The following ABCC1 variants were observed in gnomAD, a reference collection of about 807,000 sequenced individuals.
ABCC1 encodes ATP binding cassette subfamily C member 1 (ABCC1 blood group), also known as multidrug resistance-associated protein 1.
Under a neutral mutation model 172.9 loss-of-function variants are expected in ABCC1, and 83 were observed. The observed-to-expected ratio is 0.48, with a 90% CI of 0.40 to 0.58. The LOEUF is 0.58. Ranked by LOEUF, ABCC1 falls within the 20% of genes least tolerant of loss-of-function variation. The pLI is 0.00. For synonymous variants in ABCC1, 937 were observed against 825.2 expected, an observed-to-expected ratio of 1.14 and a Z score of -2.32; for missense variants, 1,817 against 2,002.7, an observed-to-expected ratio of 0.91 and a Z score of 1.77.
At chr16:16,084,583 C>CTT (rs1360594657) in intron 17 of ABCC1, among the ~76,000 whole-genome samples, 1 of 141,092 alleles carries the variant, frequency 7.1e-6, no homozygotes, top group African/African-American at 2.7e-5. Context: ...AGGTTGGTGT[C>CTT]TAACTCCTGA....
At chr16:15,972,699 TG>T (rs1247287130) in intron 1 of ABCC1, among the ~76,000 whole-genome samples, 1 of 152,024 alleles carries the variant, frequency 6.6e-6, no homozygotes, top group Admixed American at 6.6e-5. Flanking sequence ...AATGAGCATT[TG>T]GTTTTATGCT....
At chr16:16,072,520 G>T (rs2050390891) in intron 14 of ABCC1, among the ~76,000 whole-genome samples, 1 of 145,530 alleles carries the variant, frequency 6.9e-6, no homozygotes, top group Non-Finnish European at 1.5e-5. Context: ...GTTTTATTTG[G>T]AGAGACAAGG....
chr16:15,992,495 G>C (rs1394277695), intron 1 of ABCC1, among the ~76,000 whole-genome samples: 1 of 152,044 alleles, frequency 6.6e-6, no homozygotes, highest in Non-Finnish European at 1.5e-5. Flanking sequence ...TGCCTCCCAG[G>C]TTCCAGCGAT....
At chr16:16,033,338 C>G (rs1317264514) in intron 6 of ABCC1, among the ~76,000 whole-genome samples, 168 bp downstream of exon 6, 1 of 152,194 alleles carries the variant, frequency 6.6e-6, no homozygotes, top group Non-Finnish European at 1.5e-5. Flanking sequence ...GAGACACCAA[C>G]TCTGTCCGGC....
rs1008136107 is a variant in ABCC1, at chr16:16,141,659, C to G, written c.*378C>G. The G allele has an allele frequency of 4.6e-6, 1 of 218,852 alleles. No homozygotes were observed. The highest frequency in any genetic ancestry group is 2.3e-5 in the African/African-American group (1 of 43,830). The allele number at this position is 218,852 out of a possible 1,614,324, so 13.6% of individuals were successfully genotyped here. A position where few individuals can be genotyped will look rare whatever the true frequency, so the allele number is the denominator to read the frequency against. On this transcript the variant is annotated 3_prime_UTR_variant, in exon 31 of 31. Coordinates refer to ENST00000399410, the MANE Select transcript of ABCC1 (RefSeq NM_004996.4). ...AGAAGATCCTAGTGACCAAATTCAG[C>G]CTACTGCCTCGGATCTCTCCAGCCG...
At chr16:15,970,618 AAG>A (rs1335525176) in intron 1 of ABCC1, among the ~76,000 whole-genome samples, 4 of 152,318 alleles carry the variant, frequency 2.6e-5, no homozygotes, top group African/African-American at 9.6e-5. Context: ...GGAAGAGAAA[AAG>A]AACCAGAAGG....
intron 24 of ABCC1, among the ~76,000 whole-genome samples, chr16:16,124,335 G>GTGTGTA (rs2045314930): frequency 4.5e-5 from 4 of 87,978 alleles, no homozygotes; most frequent in African/African-American, 1.3e-4. Context: ...GTGTGTGTGT[G>GTGTGTA]TGTGTGTGTG....
In ABCC1 at chr16:16,071,728, C is replaced by T. The variant is rs8187859; in HGVS notation, c.1911C>T (p.Asp637=). 2.7e-4 allele frequency: 442 copies of T among 1,612,914 alleles called. 4 individuals are homozygous for T. The African/African-American group carries it at 3.6e-3, about 13-fold the overall frequency. ...GCATCGAGCGACGGCCTGTCAAAGA[C>T]GGTGTGTGTGTGTTCAGTCCTGGCT... ...PDSIERRPVK[D]GGGTNSITVR... Residue 637 remains aspartate, a splice_region_variant and synonymous_variant, in exon 14 of 31, where the codon GAC becomes GAT. Transcript: ENST00000399410.
chr16:15,957,775 T>C (rs2046031018), intron 1 of ABCC1, among the ~76,000 whole-genome samples: 1 of 152,110 alleles, frequency 6.6e-6, no homozygotes, highest in South Asian at 2.1e-4. Flanking sequence ...GTGTTTTTGA[T>C]AGAAACGGGG....
At chr16:15,963,436 C>T (rs1339764305) in intron 1 of ABCC1, among the ~76,000 whole-genome samples, 1 of 152,238 alleles carries the variant, frequency 6.6e-6, no homozygotes, top group Non-Finnish European at 1.5e-5. Flanking sequence ...TGTGTGGGGG[C>T]TCTGACCCCA....
chr16:16,141,182 C>T lies in ABCC1; in HGVS notation c.4497C>T (p.Val1499=). Residue 1499 remains valine, a synonymous_variant, in exon 31 of 31, where the codon GTC becomes GTT. Coordinates refer to ENST00000399410, the MANE Select transcript of ABCC1 (RefSeq NM_004996.4). ...ATCCCCTCTCCCTCAGGGTGATCGT[C>T]TTGGACAAAGGAGAAATCCAGGAGT... is the stretch of plus-strand genomic sequence containing the variant. ...NTIMDYTRVI[V]LDKGEIQEYG... 1 of 1,613,938 alleles carries T rather than the reference C, an allele frequency of 6.2e-7. No individual in the cohort carries two copies. The highest frequency in any genetic ancestry group is 8.5e-7 in the Non-Finnish European group (1 of 1,179,900).
intron 1 of ABCC1, among the ~76,000 whole-genome samples, chr16:15,958,815 G>A (rs1444702006): frequency 2.0e-5 from 3 of 152,106 alleles, no homozygotes; most frequent in Non-Finnish European, 2.9e-5. Flanking sequence ...TGTATTTTGC[G>A]GGTGGGGACA....
At chr16:16,111,329 T>A (rs1449117995) in intron 21 of ABCC1, 46 bp from the exon 22 acceptor site, 1 of 1,560,062 alleles carries the variant, frequency 6.4e-7, no homozygotes, top group Non-Finnish European at 8.8e-7. Flanking sequence ...GGGCTGGGGC[T>A]GGGTGCGTGC....
At chr16:15,999,792 TCTCTCTCTCTCTCTCTC>T (rs1458859465) in intron 1 of ABCC1, among the ~76,000 whole-genome samples, 1 of 30,516 alleles carries the variant, frequency 3.3e-5, no homozygotes. Flanking sequence ...TCTCTCTCTC[TCTCTCTCTCTCTCTCTC>T]CTCTCTCTCT....
chr16:15,998,464 C>T (rs954503430), intron 1 of ABCC1, among the ~76,000 whole-genome samples: 20 of 152,042 alleles, frequency 1.3e-4, no homozygotes, highest in African/African-American at 4.1e-4. Flanking sequence ...TGCTGTTGGC[C>T]GCTGTAGGGG....
chr16:16,071,611 T>G lies in ABCC1; in HGVS notation c.1825-31T>G, dbSNP rs1274289006. 5 of 1,601,712 alleles carry G rather than the reference T, an allele frequency of 3.1e-6. No homozygotes were observed. In the South Asian group the frequency reaches 5.6e-5, roughly 18 times the overall value. On this transcript the variant is annotated intron_variant, in intron 13 of 30. Transcript: ENST00000399410. ...GTTTTGCAAAAATGCTTTTTAAAAA[T>G]AACTCTCCCCTGCCATTGCTCTCTG...
At chr16:16,082,176 G>C (rs2050830841) in intron 16 of ABCC1, among the ~76,000 whole-genome samples, 1 of 152,194 alleles carries the variant, frequency 6.6e-6, no homozygotes, top group African/African-American at 2.4e-5. Flanking sequence ...CCTTGAATGT[G>C]CCAAGTACTT....
At chr16:16,094,103 C>T (rs576206660) in intron 19 of ABCC1, 4 of 161,358 alleles carry the variant, frequency 2.5e-5, no homozygotes, top group African/African-American at 9.6e-5. Context: ...TGCAGCCTCC[C>T]CTTCCGGTTT....
chr16:16,087,819 TGAAAAA>T (rs952464594), intron 18 of ABCC1, among the ~76,000 whole-genome samples: 2 of 152,146 alleles, frequency 1.3e-5, no homozygotes, highest in African/African-American at 2.4e-5. Context: ...AAGAAAAACA[TGAAAAA>T]GAAAAATGGA....
Sources: gnomAD v4.1 joint callset for allele counts (sites outside exome capture counted in the v4.1 genomes callset) on GRCh38, gnomAD v4.1.1 for gene constraint, MANE v1.5 for transcripts, NCBI Gene and HGNC (gene_info 2026-07-23, HGNC 2026-07-21) for gene names.